PNPLA6: variants seen among roughly 807,000 people sequenced by gnomAD.
PNPLA6 encodes patatin like domain 6, lysophospholipase, also known as patatin-like phospholipase domain-containing protein 6.
A neutral mutation model predicts 153.7 loss-of-function variants in PNPLA6; 105 were observed. The ratio of observed to expected loss-of-function variants is 0.68; its 90% CI spans 0.58 to 0.80. The LOEUF (loss-of-function observed/expected upper bound fraction) is 0.80, where lower values mean the gene tolerates loss of function less well. PNPLA6 is among the 30% of genes least tolerant of loss of function. PNPLA6 has a pLI of 0.00. For missense variants in PNPLA6, 1,423 were observed against 1,919.3 expected, an observed-to-expected ratio of 0.74 and a Z score of 4.83; for synonymous variants, 825 against 822.2, an observed-to-expected ratio of 1.00 and a Z score of -0.06.
rs1966546310 is a variant in PNPLA6 at position 7,555,503 on chromosome 19, C to A, written c.2937-104C>A. ...CCGGGAGAGACCCCGTGGGTAGGGG[C>A]GGGTCCTTTGTTCCTTAGCAGTGCG... On this transcript the variant is annotated intron_variant, in intron 23 of 31. Transcript: ENST00000600737. This position sits in a 1 kb window ranked among gnomAD's most constrained non-coding sequence, Gnocchi z 6.3. 32 of 1,411,150 alleles carry A rather than the reference C, an allele frequency of 2.3e-5. No individual in the cohort carries two copies. Among genetic ancestry groups the A allele is most frequent in the Non-Finnish European group, 3.1e-5 (32 of 1,027,168 alleles). 87.4% of individuals were successfully genotyped at this position (1,411,150 alleles called of 1,614,324 possible).
At position 7,550,480 on chromosome 19, in the gene PNPLA6, G is replaced by C. The variant is rs761765399; in HGVS notation, c.1947-37G>C. 8 of 1,612,420 alleles carry C rather than the reference G, an allele frequency of 5.0e-6. No homozygotes were observed. In the African/African-American group the frequency reaches 1.1e-4, roughly 22 times the overall value. On this transcript the variant is annotated intron_variant, in intron 15 of 31. Transcript: ENST00000600737. ...GCCCGGCCTAGGGGTGGGGACCTGG[G>C]GGTGGTCAGACCTTGCTGACCTCCA...
intron 13 of PNPLA6, among the ~76,000 whole-genome samples, chr19:7,544,556 C>T (rs1404468789): frequency 2.0e-5 from 3 of 152,140 alleles, no homozygotes; most frequent in Non-Finnish European, 4.4e-5. Flanking sequence ...GCAAGAGTGA[C>T]AAGTGGTCAG....
Position 7,541,538 on chromosome 19 carries a change from G to A in PNPLA6, c.1022G>A (p.Arg341His), listed in dbSNP as rs745677326. 5.6e-6 allele frequency: 9 copies of A among 1,606,844 alleles called. No homozygotes were observed. The East Asian group carries it at 9.0e-5, about 16-fold the overall frequency. The change falls in exon 9 of 32, where the codon CGT (arginine) becomes CAT (histidine). Residue 341 changes from arginine (R) to histidine (H), a missense_variant. By Grantham distance (29) the Arg-to-His change is conservative. Transcript: ENST00000600737. This position sits in a 1 kb window ranked among gnomAD's most constrained non-coding sequence, Gnocchi z 5.2. ...ELFSHEIQPL[R>H]LFPSPGLPTR... is the part of the protein sequence containing the mutation. The stretch of plus-strand genomic sequence containing the variant: ...TGCCCCCAGGAGATCCAGCCCCTGC[G>A]TCTGTTCCCCAGCCCCGGCCTCCCA...
Position 7,543,072 on chromosome 19 carries a change from C to G in PNPLA6, c.1596C>G (p.Arg532=). ...CCAAAGCTGGCACCATCATTGCCCG[C>G]CAGGGAGACCAGGTGAGGCTGACCC... ...HHAKAGTIIA[R]QGDQDVSLHF... is the part of the protein sequence containing the mutation. Residue 532 remains arginine, a synonymous_variant, in exon 13 of 32, where the codon CGC becomes CGG. Coordinates refer to ENST00000600737, the MANE Select transcript of PNPLA6 (RefSeq NM_001166114.2). 2 of 1,613,880 alleles carry G rather than the reference C, an allele frequency of 1.2e-6. No individual in the cohort carries two copies. Among genetic ancestry groups the G allele is most frequent in the Non-Finnish European group, 1.7e-6 (2 of 1,179,918 alleles).
At position 7,550,049 on chromosome 19, in the gene PNPLA6, TC is replaced by T; in HGVS notation, c.1752del (p.Phe585SerfsTer31). 6.2e-7 allele frequency: 1 copy of T among 1,614,012 alleles called. No homozygotes were observed. The highest frequency in any genetic ancestry group is 1.7e-5 in the Admixed American group (1 of 60,030). The part of the protein sequence containing the change: ...QLAVLTGEPL[I>X]FTLRAQRDCT... ...GCGGTGCTCACTGGCGAACCTCTCA[TC>T]TTCACACTGCGAGCCCAACGCGACT... On this transcript the variant is annotated frameshift_variant, in exon 14 of 32. Transcript: ENST00000600737. LOFTEE classifies it high-confidence loss of function.
Position 7,541,722 on chromosome 19 carries a change from C to T in PNPLA6, c.1168+38C>T. 1 of 1,547,088 alleles carries T rather than the reference C, an allele frequency of 6.5e-7. No individual in the cohort carries two copies. Among genetic ancestry groups the T allele is most frequent in the Non-Finnish European group, 8.7e-7 (1 of 1,149,774 alleles). On this transcript the variant is annotated intron_variant, in intron 9 of 31. Coordinates refer to ENST00000600737, the MANE Select transcript of PNPLA6 (RefSeq NM_001166114.2). The surrounding 1 kb of genome is among the most constrained non-coding windows in gnomAD (Gnocchi z 5.2). ...CCGAGGCCAGCCGAGCCCAATCTCC[C>T]AGGAAGCCCCGTCTCAGCCGCCAGC...
At chr19:7,560,790 A>G (rs1432855627) in intron 29 of PNPLA6, 26 bp downstream of exon 29, 2 of 1,391,242 alleles carry the variant, frequency 1.4e-6, no homozygotes, top group African/African-American at 1.4e-5. Context: ...CCCCAGGGCC[A>G]CTCTGACTCC....
chr19:7,555,544 T>TAGGG lies in PNPLA6; in HGVS notation c.2937-62_2937-59dup. Reference sequence around the variant, plus strand: ...TAGCAGTGCGGGAGGTGGGAGGAGGTAGGGGCAGGGGAGTTCCTGCAGGTG... The same window carrying TAGGG: ...TAGCAGTGCGGGAGGTGGGAGGAGGTAGGGAGGGGCAGGGGAGTTCCTGCAGGTG... On this transcript the variant is annotated intron_variant, in intron 23 of 31. Coordinates refer to ENST00000600737, the MANE Select transcript of PNPLA6 (RefSeq NM_001166114.2). The surrounding 1 kb of genome is among the most constrained non-coding windows in gnomAD (Gnocchi z 6.3). The TAGGG allele has an allele frequency of 1.3e-6, 2 of 1,556,952 alleles. No homozygotes were observed. Among genetic ancestry groups the TAGGG allele is most frequent in the Non-Finnish European group, 1.8e-6 (2 of 1,141,458 alleles).
rs143679048 is a variant in PNPLA6 at position 7,545,980 on chromosome 19, A to ATTCTGAGAG, written c.1608+2897_1608+2905dup. Among the ~76,000 whole-genome samples, 152 of 151,644 alleles carry ATTCTGAGAG rather than the reference A, an allele frequency of 1.0e-3. 1 individual carries two copies. In the East Asian group the frequency reaches 0.024, roughly 24 times the overall value. ...TCCCTGCCCTTGGGCAGCCCACCGT[A>ATTCTGAGAG]TTCTGAGAGACATGACTCAAAGGAT... On this transcript the variant is annotated intron_variant, in intron 13 of 31. Transcript: ENST00000600737.
At chr19:7,558,827 C>T (rs369654394) in intron 27 of PNPLA6, 23 bp from the exon 28 acceptor site, 879 of 1,591,916 alleles carry the variant, frequency 5.5e-4, no homozygotes, top group Non-Finnish European at 7.1e-4. Flanking sequence ...GGGAGCAGCC[C>T]GCTGACCCCC....
chr19:7,561,272 AG>A lies in PNPLA6; in HGVS notation c.3984del (p.Ser1329ProfsTer71), dbSNP rs753221489. The A allele has an allele frequency of 1.2e-6, 2 of 1,610,452 alleles. No homozygotes were observed. The highest frequency in any genetic ancestry group is 1.7e-6 in the Non-Finnish European group (2 of 1,179,030). ...DAGPDCSRDE[G>X]GSPEGASPST... ...CCGGACCCGACTGCTCGAGGGATGAAGGGGGGTCCCCCGAGGGCGCAAGCCC... is the reference window on the plus strand; with the variant it reads ...CCGGACCCGACTGCTCGAGGGATGAAGGGGGTCCCCCGAGGGCGCAAGCCC... On this transcript the variant is annotated frameshift_variant, in exon 31 of 32. Transcript: ENST00000600737. LOFTEE classifies it high-confidence loss of function.
Position 7,561,292 on chromosome 19 carries a change from C to A in PNPLA6, c.3998C>A (p.Ala1333Glu), listed in dbSNP as rs1385761016. The A allele has an allele frequency of 1.3e-5, 21 of 1,606,950 alleles. No individual in the cohort carries two copies. Among genetic ancestry groups the A allele is most frequent in the Non-Finnish European group, 1.7e-5 (20 of 1,177,640 alleles). The change falls in exon 31 of 32, where the codon GCA (alanine) becomes GAA (glutamate). Residue 1333 changes from alanine to glutamate, a missense_variant. This residue lies in a region of PNPLA6 where 643 missense variants were observed against 835.2 expected (regional missense o/e 0.77). Coordinates refer to ENST00000600737, the MANE Select transcript of PNPLA6 (RefSeq NM_001166114.2). ...SRDEGGSPEG[A>E]SPSTASEMEE... ...GATGAAGGGGGGTCCCCCGAGGGCG[C>A]AAGCCCCAGCACTGCCTCCGAGATG...
rs756861161 is a variant in PNPLA6, at chr19:7,556,637, C to G, written c.3211-18C>G. On this transcript the variant is annotated intron_variant, in intron 25 of 31. Coordinates refer to ENST00000600737, the MANE Select transcript of PNPLA6 (RefSeq NM_001166114.2). The stretch of plus-strand genomic sequence containing the variant: ...GGAGCCCCCTGCTCCTCCCCCACCT[C>G]GATCCCTGTCCCCGCAGGACCTGTG... The G allele has an allele frequency of 2.5e-6, 4 of 1,609,734 alleles. No homozygotes were observed. The South Asian group carries it at 4.4e-5, about 18-fold the overall frequency.
chr19:7,551,826 A>G (rs1432603686), intron 18 of PNPLA6, among the ~76,000 whole-genome samples: 1 of 152,124 alleles, frequency 6.6e-6, no homozygotes, highest in African/African-American at 2.4e-5. Flanking sequence ...CAGGGCCGTC[A>G]TGGTGGCTCA....
chr19:7,550,712 C>G, intron 16 of PNPLA6, 72 bp downstream of exon 16: 1 of 1,571,064 alleles, frequency 6.4e-7, no homozygotes, highest in Non-Finnish European at 8.6e-7. Flanking sequence ...CACACATCAT[C>G]CCGGGTAATC....
At position 7,559,095 on chromosome 19, in the gene PNPLA6, CGCCCGCCCATCGACT is replaced by C; in HGVS notation, c.3646_3660del (p.Pro1216_Cys1220del). ...GTCCAGCTCCTACTGCGAGTACCTG[CGCCCGCCCATCGACT>C]GCTTCAAGACCATGGACTTTGGGAA... On this transcript the variant is annotated inframe_deletion, in exon 28 of 32. Coordinates refer to ENST00000600737, the MANE Select transcript of PNPLA6 (RefSeq NM_001166114.2). 6.2e-7 allele frequency: 1 copy of C among 1,614,184 alleles called. No homozygotes were observed. The highest frequency in any genetic ancestry group is 1.1e-5 in the South Asian group (1 of 91,090).
At position 7,540,517 on chromosome 19, in the gene PNPLA6, G is replaced by A. The variant is rs2023083880; in HGVS notation, c.715-113G>A. 2 of 1,055,416 alleles carry A rather than the reference G, an allele frequency of 1.9e-6. No homozygotes were observed. The highest frequency in any genetic ancestry group is 2.9e-6 in the Non-Finnish European group (2 of 678,296). The allele number at this position is 1,055,416 out of a possible 1,614,324, so 65.4% of individuals were successfully genotyped here. On this transcript the variant is annotated intron_variant, in intron 5 of 31. Transcript: ENST00000600737. This position sits in a 1 kb window ranked among gnomAD's most constrained non-coding sequence, Gnocchi z 6.8. Reference sequence around the variant, plus strand: ...ATGCCTGCTCGTTGGAAGGGTTGGTGGGTTCCCCTGAGAAGGGATGAGAAG... The same window carrying A: ...ATGCCTGCTCGTTGGAAGGGTTGGTAGGTTCCCCTGAGAAGGGATGAGAAG...
rs888482591 is a variant in PNPLA6 at position 7,541,959 on chromosome 19, G to A, written c.1169-25G>A. Reference sequence around the variant, plus strand: ...TCCTCCTAGTGGCTCTGAGGGGCAGGAGCCTGAACATGTGTCTCCCCCAGG... The same window carrying A: ...TCCTCCTAGTGGCTCTGAGGGGCAGAAGCCTGAACATGTGTCTCCCCCAGG... On this transcript the variant is annotated intron_variant, in intron 9 of 31. Coordinates refer to ENST00000600737, the MANE Select transcript of PNPLA6 (RefSeq NM_001166114.2). The surrounding 1 kb of genome is among the most constrained non-coding windows in gnomAD (Gnocchi z 5.2). The A allele has an allele frequency of 1.3e-6, 2 of 1,589,844 alleles. No homozygotes were observed. Among genetic ancestry groups the A allele is most frequent in the Admixed American group, 1.7e-5 (1 of 59,982 alleles).
At chr19:7,557,326 C>T (rs775065682) in intron 27 of PNPLA6, 42 bp downstream of exon 27, 141 of 1,214,454 alleles carry the variant, frequency 1.2e-4, no homozygotes, top group Middle Eastern at 1.9e-4. Flanking sequence ...AAGCACCTCC[C>T]GCACCACACA....
Sources: allele counts gnomAD v4.1 joint callset (sites outside exome capture counted in the v4.1 genomes callset), GRCh38; gene constraint gnomAD v4.1.1; regional missense constraint gnomAD v4.1.1; non-coding constraint Gnocchi (gnomAD v3.1); transcripts MANE v1.5; gene names NCBI Gene and HGNC (gene_info 2026-07-23, HGNC 2026-07-21).